DSCAM: variants seen among roughly 807,000 people sequenced by gnomAD.
The protein encoded by DSCAM is DS cell adhesion molecule, also known as cell adhesion molecule DSCAM.
A neutral mutation model predicts 217.7 loss-of-function variants in DSCAM; 47 were observed. The observed-to-expected ratio is 0.22, with a 90% CI of 0.17 to 0.28. The LOEUF is 0.28. Ranked by LOEUF, DSCAM falls within the 10% of genes least tolerant of loss-of-function variation. DSCAM has a pLI of 1.00. For synonymous variants in DSCAM, 1,056 were observed against 1,015.3 expected, an observed-to-expected ratio of 1.04 and a Z score of -0.76; for missense variants, 2,080 against 2,618.3, an observed-to-expected ratio of 0.79 and a Z score of 4.49.
chr21:40,761,662 C>T (rs560790288), intron 1 of DSCAM, among the ~76,000 whole-genome samples: 64 of 152,248 alleles, frequency 4.2e-4, no homozygotes, highest in African/African-American at 1.5e-3. Flanking sequence ...TCTTAACAGC[C>T]CTAACAAACT....
At chr21:40,676,531 G>A (rs966493238) in intron 3 of DSCAM, among the ~76,000 whole-genome samples, 8 of 152,114 alleles carry the variant, frequency 5.3e-5, no homozygotes, top group African/African-American at 1.9e-4. Flanking sequence ...TTGCCGTATT[G>A]TTCTTTTGTT....
chr21:40,381,151 A>G (rs1444182958), intron 3 of DSCAM, among the ~76,000 whole-genome samples: 1 of 151,990 alleles, frequency 6.6e-6, no homozygotes, highest in African/African-American at 2.4e-5. Context: ...GATGAGGACC[A>G]AGGTGGCTGC....
chr21:40,142,726 C>G (rs758051164), intron 17 of DSCAM, 22 bp from the exon 18 acceptor site: 14 of 1,607,436 alleles, frequency 8.7e-6, no homozygotes, highest in Non-Finnish European at 1.1e-5. Context: ...TAATTAGAAT[C>G]TGTAATAACT....
intron 3 of DSCAM, among the ~76,000 whole-genome samples, chr21:40,445,958 T>C (rs2205079): frequency 0.014 from 2,084 of 152,332 alleles, 24 homozygotes; most frequent in South Asian, 0.048. Context: ...TAGAAAAATA[T>C]GTGCATATCT....
At position 40,376,509 on chromosome 21, in the gene DSCAM, TCG is replaced by T. The variant is rs1281445460; in HGVS notation, c.509-7266_509-7265del. On this transcript the variant is annotated intron_variant, in intron 3 of 32. Coordinates refer to ENST00000400454, the MANE Select transcript of DSCAM (RefSeq NM_001389.5). ...TATATAGATATCTATATATCTTATATCGATATCTATATATCTTATATAGATAT... is the reference window on the plus strand; with the variant it reads ...TATATAGATATCTATATATCTTATATATATCTATATATCTTATATAGATAT... Among the ~76,000 whole-genome samples, 40 of 112,592 alleles carry T rather than the reference TCG, an allele frequency of 3.6e-4. 4 individuals carry two copies. The highest frequency in any genetic ancestry group is 6.2e-4 in the Admixed American group (6 of 9,694). 73.9% of individuals were successfully genotyped at this position (112,592 alleles called of 152,430 possible).
chr21:40,029,633 C>G (rs1357510607), intron 32 of DSCAM, among the ~76,000 whole-genome samples: 1 of 152,132 alleles, frequency 6.6e-6, no homozygotes, highest in Non-Finnish European at 1.5e-5. Flanking sequence ...GAAGAAAGAG[C>G]CTACCTCTGC....
At chr21:40,698,146 G>A (rs2090615350) in intron 2 of DSCAM, among the ~76,000 whole-genome samples, 1 of 152,084 alleles carries the variant, frequency 6.6e-6, no homozygotes, top group Non-Finnish European at 1.5e-5. Context: ...ACACACACAT[G>A]GCTTATTTAT....
At chr21:40,025,596 T>C (rs2088363625) in intron 32 of DSCAM, among the ~76,000 whole-genome samples, 1 of 150,846 alleles carries the variant, frequency 6.6e-6, no homozygotes. Context: ...TGGTTTAGTC[T>C]TGGGAGAGTG....
intron 29 of DSCAM, among the ~76,000 whole-genome samples, 186 bp from the exon 30 acceptor site, chr21:40,052,293 T>C (rs996576171): frequency 1.3e-5 from 2 of 152,226 alleles, no homozygotes; most frequent in East Asian, 1.9e-4. Context: ...GTGCTAGGAA[T>C]AGAAGCTTCT....
At chr21:40,374,896 G>A (rs1428605944) in intron 3 of DSCAM, among the ~76,000 whole-genome samples, 1 of 152,118 alleles carries the variant, frequency 6.6e-6, no homozygotes, top group Non-Finnish European at 1.5e-5. Context: ...ATAAATTTTT[G>A]TGGTTTAAGC....
chr21:40,448,753 C>T (rs1487633549), intron 3 of DSCAM, among the ~76,000 whole-genome samples: 1 of 152,028 alleles, frequency 6.6e-6, no homozygotes, highest in African/African-American at 2.4e-5. Context: ...AGTATATTCT[C>T]ACAAAATCAA....
intron 3 of DSCAM, among the ~76,000 whole-genome samples, chr21:40,460,561 C>A (rs2075798219): frequency 6.6e-6 from 1 of 152,010 alleles, no homozygotes; most frequent in Non-Finnish European, 1.5e-5. Context: ...ATTTAGACCA[C>A]AGAAAATAGA....
intron 16 of DSCAM, among the ~76,000 whole-genome samples, chr21:40,145,148 C>T (rs537642993): frequency 1.3e-5 from 2 of 152,300 alleles, no homozygotes; most frequent in Non-Finnish European, 1.5e-5. Flanking sequence ...CGCTTACGAC[C>T]GGGTGAGACT....
At chr21:40,689,367 A>G (rs2090516040) in intron 3 of DSCAM, among the ~76,000 whole-genome samples, 1 of 152,192 alleles carries the variant, frequency 6.6e-6, no homozygotes, top group African/African-American at 2.4e-5. Flanking sequence ...ATCTCCCAAC[A>G]GTCAAGGCTG....
At position 40,312,379 on chromosome 21, in the gene DSCAM, T is replaced by C. The variant is rs772959628; in HGVS notation, c.1784-20A>G. ...GCGGAACTGCAAGAAAAAAGAAAGA[T>C]AATAACGAACTGTGCTTATTCTACA... On this transcript the variant is annotated intron_variant, in intron 8 of 32. Transcript: ENST00000400454. 6.2e-7 allele frequency: 1 copy of C among 1,610,072 alleles called. No homozygotes were observed. Among genetic ancestry groups the C allele is most frequent in the Non-Finnish European group, 8.5e-7 (1 of 1,177,628 alleles).
intron 9 of DSCAM, among the ~76,000 whole-genome samples, chr21:40,311,058 A>G (rs1007484157): frequency 6.6e-6 from 1 of 152,140 alleles, no homozygotes; most frequent in Non-Finnish European, 1.5e-5. Context: ...GCAAGGAAGA[A>G]GAGGTATCAA....
At chr21:40,262,548 G>A (rs967119749) in intron 11 of DSCAM, among the ~76,000 whole-genome samples, 18 of 152,136 alleles carry the variant, frequency 1.2e-4, no homozygotes, top group African/African-American at 4.1e-4. Context: ...TTCTGGCAGC[G>A]TCACTCCAGA....
intron 19 of DSCAM, among the ~76,000 whole-genome samples, chr21:40,126,089 C>T (rs186153580): frequency 4.5e-4 from 68 of 152,198 alleles, no homozygotes; most frequent in African/African-American, 5.5e-4. Context: ...TAATTAATTA[C>T]GTAAACCAAT....
At chr21:40,105,520 C>T (rs1157956261) in intron 20 of DSCAM, among the ~76,000 whole-genome samples, 1 of 152,190 alleles carries the variant, frequency 6.6e-6, no homozygotes, top group Non-Finnish European at 1.5e-5. Context: ...TGGTTCTGCA[C>T]TTCCTCTTGC....
Sources: allele counts gnomAD v4.1 joint callset (sites outside exome capture counted in the v4.1 genomes callset), GRCh38; gene constraint gnomAD v4.1.1; transcripts MANE v1.5; gene names NCBI Gene and HGNC (gene_info 2026-07-23, HGNC 2026-07-21).